FGF14: variants seen among roughly 807,000 people sequenced by gnomAD.
The protein encoded by FGF14 is fibroblast growth factor homologous factor 4.
FGF14 carries 5 observed loss-of-function variants against 25.5 expected under a neutral mutation model. That is an observed-to-expected ratio of 0.20 (90% CI 0.10 to 0.41). The LOEUF is 0.41. Among genes scored for constraint, FGF14 ranks in the 10% least tolerant of loss-of-function variants. The pLI is 1.00. For synonymous variants in FGF14, 138 were observed against 118.3 expected (o/e 1.17, Z -1.08); for missense variants, 222 against 320.1 (o/e 0.69, Z 2.34).
rs58059529 is a variant in FGF14, at chr13:101,932,324, G to A, written c.209-57028C>T. Among the ~76,000 whole-genome samples, 1,270 of 152,146 alleles carry A rather than the reference G, an allele frequency of 8.3e-3. 16 individuals are homozygous for A. The highest frequency in any genetic ancestry group is 0.029 in the African/African-American group (1,191 of 41,514). ...GTGGGTGGATCACCTGAGGTCAGAA[G>A]TTTGTGACCAGCCTGGCCAACATGG... is the stretch of plus-strand genomic sequence containing the variant. On this transcript the variant is annotated intron_variant, in intron 1 of 4. Coordinates refer to the FGF14 transcript ENST00000376131.
In FGF14 at chr13:102,398,049, T is replaced by TGC. The variant is rs2058623381; in HGVS notation, c.208+3421_208+3422insGC. On this transcript the variant is annotated intron_variant, in intron 1 of 4. Coordinates refer to the FGF14 transcript ENST00000376131. ...GTGTGTGTGTGTGTGTGTGTGTGTG[T>TGC]GTTCTCTGATAATAGTTGTTAGACT... Among the ~76,000 whole-genome samples, 10 of 147,770 alleles carry TGC rather than the reference T, an allele frequency of 6.8e-5. No homozygotes were observed. The South Asian group carries it at 2.1e-3, about 32-fold the overall frequency.
chr13:102,318,666 T>C (rs913301174), intron 1 of FGF14, among the ~76,000 whole-genome samples: 16 of 152,214 alleles, frequency 1.1e-4, no homozygotes, highest in African/African-American at 3.9e-4. Context: ...ACAGTCATAT[T>C]CAACGAAGGG....
rs187026753 is a variant in FGF14, at chr13:102,089,370, G to C, written c.209-214074C>G. ...CCCAATATCTGATATTTCAAACAGA[G>C]GGAAGCAAAGCTCCAATGTAACAAG... On this transcript the variant is annotated intron_variant, in intron 1 of 4. Coordinates refer to the FGF14 transcript ENST00000376131. Among the ~76,000 whole-genome samples the C allele has an allele frequency of 1.1e-3, 172 of 152,254 alleles. 1 individual carries two copies. Among genetic ancestry groups the C allele is most frequent in the African/African-American group, 4.0e-3 (166 of 41,562 alleles).
chr13:101,925,587 A>G (rs1224806969), intron 1 of FGF14, among the ~76,000 whole-genome samples: 1 of 152,252 alleles, frequency 6.6e-6, no homozygotes, highest in African/African-American at 2.4e-5. Flanking sequence ...AGTAATTTCC[A>G]AAGTGCATGC....
chr13:102,240,569 C>T (rs901252969), intron 1 of FGF14, among the ~76,000 whole-genome samples: 2 of 152,100 alleles, frequency 1.3e-5, no homozygotes, highest in Non-Finnish European at 2.9e-5. Context: ...TCTTGGAAAA[C>T]ACACAACTTG....
chr13:102,162,664 C>T (rs76744660), intron 1 of FGF14, among the ~76,000 whole-genome samples: 3,737 of 152,172 alleles, frequency 0.025, 154 homozygotes, highest in African/African-American at 0.086. Context: ...CAAAAGACTT[C>T]ATTATGTGTT....
chr13:102,272,994 A>G (rs2053326167), intron 1 of FGF14, among the ~76,000 whole-genome samples: 1 of 152,198 alleles, frequency 6.6e-6, no homozygotes, highest in Non-Finnish European at 1.5e-5. Context: ...AAAGCAGGTT[A>G]GGCTGTCATT....
chr13:101,936,851 C>A (rs1477449680), intron 1 of FGF14, among the ~76,000 whole-genome samples: 1 of 152,132 alleles, frequency 6.6e-6, no homozygotes, highest in African/African-American at 2.4e-5. Context: ...TGCTACAAAG[C>A]CTTAATTTAC....
At chr13:102,167,188 A>T (rs542569829) in intron 1 of FGF14, among the ~76,000 whole-genome samples, 1 of 151,792 alleles carries the variant, frequency 6.6e-6, no homozygotes, top group African/African-American at 2.4e-5. Context: ...AAATACAAAA[A>T]TTTGCTGGAC....
In FGF14 at chr13:101,714,332, A is replaced by G. The variant is rs2034617852; in HGVS notation, c.*8499T>C. 1.3e-6 allele frequency: 1 copy of G among 741,582 alleles called. No individual in the cohort carries two copies. Among genetic ancestry groups the G allele is most frequent in the Non-Finnish European group, 2.4e-6 (1 of 409,404 alleles). The allele number at this position is 741,582 out of a possible 1,614,324, so 45.9% of individuals were successfully genotyped here. On this transcript the variant is annotated 3_prime_UTR_variant, in exon 5 of 5. Transcript: ENST00000376143. ...CCATTCAATACACTTTTACCTTTGGATGATGGGTTATTAGAAGCCTGTTGT... is the reference window on the plus strand; with the variant it reads ...CCATTCAATACACTTTTACCTTTGGGTGATGGGTTATTAGAAGCCTGTTGT...
chr13:102,222,011 A>G (rs1453079606), intron 1 of FGF14, among the ~76,000 whole-genome samples: 1 of 152,176 alleles, frequency 6.6e-6, no homozygotes, highest in Non-Finnish European at 1.5e-5. Context: ...TTTAGCAACA[A>G]TACTTTTTGA....
chr13:102,005,787 T>C (rs1318709658), intron 1 of FGF14, among the ~76,000 whole-genome samples: 2 of 152,226 alleles, frequency 1.3e-5, no homozygotes, highest in African/African-American at 2.4e-5. Context: ...TAATTTGTAA[T>C]CTGTTTGGAG....
At chr13:102,276,627 T>C (rs921151208) in intron 1 of FGF14, among the ~76,000 whole-genome samples, 1 of 152,010 alleles carries the variant, frequency 6.6e-6, no homozygotes, top group Non-Finnish European at 1.5e-5. Context: ...CTACAAAACA[T>C]GTAAGTGTCA....
chr13:101,857,839 A>G (rs1320756186), intron 3 of FGF14, among the ~76,000 whole-genome samples: 1 of 151,996 alleles, frequency 6.6e-6, no homozygotes, highest in Non-Finnish European at 1.5e-5. Flanking sequence ...TCAATAGCTT[A>G]TAGTTTTAAA....
intron 3 of FGF14, among the ~76,000 whole-genome samples, chr13:101,731,353 T>C (rs754005321): frequency 2.0e-5 from 3 of 152,196 alleles, no homozygotes; most frequent in Non-Finnish European, 4.4e-5. Flanking sequence ...CCTCCTTGAC[T>C]ATGTTTAGAA....
At chr13:101,868,891 TTC>T in intron 2 of FGF14, 63 bp from the exon 3 acceptor site, 2 of 1,034,782 alleles carry the variant, frequency 1.9e-6, no homozygotes, top group Non-Finnish European at 3.1e-6. Context: ...GTGTAATTTT[TTC>T]TTTCTGATTT....
chr13:102,261,402 G>A (rs2052708253), intron 1 of FGF14, among the ~76,000 whole-genome samples: 1 of 152,122 alleles, frequency 6.6e-6, no homozygotes, highest in Non-Finnish European at 1.5e-5. Flanking sequence ...GAAAGTAAAT[G>A]AAAAACCAAT....
intron 1 of FGF14, among the ~76,000 whole-genome samples, chr13:102,256,438 C>A (rs2052443220): frequency 6.6e-6 from 1 of 152,104 alleles, no homozygotes; most frequent in Non-Finnish European, 1.5e-5. Flanking sequence ...GTCGAAGTTG[C>A]AGTGAGCTGT....
At chr13:102,295,736 T>C (rs1460547127) in intron 1 of FGF14, among the ~76,000 whole-genome samples, 1 of 152,126 alleles carries the variant, frequency 6.6e-6, no homozygotes, top group Non-Finnish European at 1.5e-5. Flanking sequence ...CATTGCTTCA[T>C]ACAACCATAT....
Sources: allele counts gnomAD v4.1 joint callset (sites outside exome capture counted in the v4.1 genomes callset), GRCh38; gene constraint gnomAD v4.1.1; transcripts MANE v1.5; gene names NCBI Gene and HGNC (gene_info 2026-07-23, HGNC 2026-07-21).